The following GOLGA7B variants were observed in gnomAD, a reference collection of about 807,000 sequenced individuals.
The protein encoded by GOLGA7B is golgin A7 family member B.
GOLGA7B carries 17 observed loss-of-function variants against 21.5 expected under a neutral mutation model. That is an observed-to-expected ratio of 0.79 (90% CI 0.54 to 1.19). GOLGA7B has a LOEUF of 1.19. GOLGA7B is among the 50% of genes most tolerant of loss of function. GOLGA7B has a pLI of 0.00. For missense variants in GOLGA7B, 169 were observed against 224.4 expected (o/e 0.75, Z 1.58); for synonymous variants, 87 against 84.0 (o/e 1.04, Z -0.19).
At chr10:97,857,977 C>T (rs1396605119) in intron 1 of GOLGA7B, among the ~76,000 whole-genome samples, 1 of 152,146 alleles carries the variant, frequency 6.6e-6, no homozygotes. Flanking sequence ...TGACCCTTGC[C>T]TCCTCTACAA....
intron 1 of GOLGA7B, among the ~76,000 whole-genome samples, chr10:97,854,033 A>T (rs2049920023): frequency 6.6e-6 from 1 of 152,220 alleles, no homozygotes; most frequent in East Asian, 1.9e-4. Flanking sequence ...TGTTAAAAAG[A>T]TCTAGATTTC....
chr10:97,865,517 C>T (rs1268008363), intron 4 of GOLGA7B, 73 bp from the exon 5 acceptor site: 1 of 1,578,998 alleles, frequency 6.3e-7, no homozygotes, highest in African/African-American at 1.3e-5. Flanking sequence ...CCCTGCTGGA[C>T]TCCATCCGCT....
intron 1 of GOLGA7B, among the ~76,000 whole-genome samples, chr10:97,854,096 G>A (rs974677137): frequency 5.3e-5 from 8 of 152,170 alleles, no homozygotes; most frequent in Non-Finnish European, 1.0e-4. Context: ...ACATTCCCAC[G>A]TGGCAATAGT....
intron 1 of GOLGA7B, among the ~76,000 whole-genome samples, chr10:97,859,002 G>C (rs986344244): frequency 7.2e-5 from 11 of 152,258 alleles, no homozygotes; most frequent in Non-Finnish European, 1.5e-4. Flanking sequence ...GTGTGTGTGT[G>C]TGTGTGCACG....
chr10:97,854,179 G>T (rs1262676812), intron 1 of GOLGA7B, among the ~76,000 whole-genome samples: 1 of 152,168 alleles, frequency 6.6e-6, no homozygotes, highest in African/African-American at 2.4e-5. Context: ...TTATTGCTCA[G>T]CCCCTGTAAA....
chr10:97,851,630 T>G (rs993942265), intron 1 of GOLGA7B, among the ~76,000 whole-genome samples: 2 of 152,246 alleles, frequency 1.3e-5, no homozygotes, highest in African/African-American at 4.8e-5. Context: ...GTTGGTTACC[T>G]TCCAGATAGG....
rs1196875628 is a variant in GOLGA7B at position 97,869,638 on chromosome 10, G to A, written c.*3938G>A. ...AGCTCGAGGTGCCACTGAGTGGCAG[G>A]ATTATGCACTGCACTCGGGGAATCA... On this transcript the variant is annotated 3_prime_UTR_variant, in exon 5 of 5. Transcript: ENST00000370602. The A allele has an allele frequency of 6.6e-6, 1 of 152,304 alleles. No individual in the cohort carries two copies. The highest frequency in any genetic ancestry group is 2.4e-5 in the African/African-American group (1 of 41,466). 9.4% of individuals were successfully genotyped at this position (152,304 alleles called of 1,614,324 possible).
chr10:97,865,527 TG>T, intron 4 of GOLGA7B, 62 bp from the exon 5 acceptor site: 1 of 1,590,646 alleles, frequency 6.3e-7, no homozygotes, highest in Non-Finnish European at 8.6e-7. Flanking sequence ...CTCCATCCGC[TG>T]GTTCATGTCC....
Position 97,865,616 on chromosome 10 carries a change from GTGCAGCAGTGGCAGC to G in GOLGA7B, c.422_436del (p.Cys141_Ser145del). 1 of 1,613,638 alleles carries G rather than the reference GTGCAGCAGTGGCAGC, an allele frequency of 6.2e-7. No individual in the cohort carries two copies. Among genetic ancestry groups the G allele is most frequent in the Non-Finnish European group, 8.5e-7 (1 of 1,179,716 alleles). On this transcript the variant is annotated inframe_deletion, in exon 5 of 5. Transcript: ENST00000370602. ...TTGAGATCTCCATCTACGAGGACCG[GTGCAGCAGTGGCAGC>G]TCCAGCAGCGGCAGCAGCAGCGGCA... is the stretch of plus-strand genomic sequence containing the variant.
intron 1 of GOLGA7B, among the ~76,000 whole-genome samples, chr10:97,857,341 C>T (rs193158151): frequency 1.5e-3 from 218 of 149,878 alleles, no homozygotes; most frequent in South Asian, 8.1e-3. Flanking sequence ...AGTCCTTTCC[C>T]CATCCCATTT....
rs1402878444 is a variant in GOLGA7B, at chr10:97,870,104, G to A, written c.*4404G>A. Reference sequence around the variant, plus strand: ...GCGTTCAACCTTGGTGGCAATGGATGTCAACTGGAAGCATGAAAAATCACC... The same window carrying A: ...GCGTTCAACCTTGGTGGCAATGGATATCAACTGGAAGCATGAAAAATCACC... On this transcript the variant is annotated 3_prime_UTR_variant, in exon 5 of 5. Coordinates refer to ENST00000370602, the MANE Select transcript of GOLGA7B (RefSeq NM_001010917.3). 1.3e-5 allele frequency: 2 copies of A among 152,210 alleles called. No individual in the cohort carries two copies. The highest frequency in any genetic ancestry group is 2.9e-5 in the Non-Finnish European group (2 of 68,040). The allele number at this position is 152,210 out of a possible 1,614,324, so 9.4% of individuals were successfully genotyped here.
rs749634100 is a variant in GOLGA7B at position 97,850,265 on chromosome 10, TC to T, written c.-38del. 5.5e-6 allele frequency: 8 copies of T among 1,456,516 alleles called. No individual in the cohort carries two copies. The East Asian group carries it at 1.8e-4, about 32-fold the overall frequency. The allele number at this position is 1,456,516 out of a possible 1,614,324, so 90.2% of individuals were successfully genotyped here. On this transcript the variant is annotated 5_prime_UTR_variant, in exon 1 of 5. Coordinates refer to ENST00000370602, the MANE Select transcript of GOLGA7B (RefSeq NM_001010917.3). ...GGGGTCAGCACCGCGGAGACCCCCCTCGCCCGGCCCCGCGACAGCCTCCGAG... is the reference window on the plus strand; with the variant it reads ...GGGGTCAGCACCGCGGAGACCCCCCTGCCCGGCCCCGCGACAGCCTCCGAG...
intron 2 of GOLGA7B, among the ~76,000 whole-genome samples, chr10:97,862,771 G>C (rs2049978749): frequency 6.6e-6 from 1 of 152,126 alleles, no homozygotes; most frequent in Non-Finnish European, 1.5e-5. Flanking sequence ...GAAGAATAAG[G>C]GGAGGATGTC....
rs553709383 is a variant in GOLGA7B, at chr10:97,870,371, T to C, written c.*4671T>C. Reference sequence around the variant, plus strand: ...ACAAAAATGCATATGCACCATGTGATTCCCCTTATATGAAACTGAAAGACA... The same window carrying C: ...ACAAAAATGCATATGCACCATGTGACTCCCCTTATATGAAACTGAAAGACA... On this transcript the variant is annotated 3_prime_UTR_variant, in exon 5 of 5. Transcript: ENST00000370602. The C allele has an allele frequency of 2.0e-5, 3 of 152,276 alleles. No individual in the cohort carries two copies. The highest frequency in any genetic ancestry group is 4.8e-5 in the African/African-American group (2 of 41,564). 9.4% of individuals were successfully genotyped at this position (152,276 alleles called of 1,614,324 possible).
Position 97,865,705 on chromosome 10 carries a change from C to T in GOLGA7B, c.*5C>T, listed in dbSNP as rs1348556895. 1.2e-6 allele frequency: 2 copies of T among 1,602,288 alleles called. No homozygotes were observed. The highest frequency in any genetic ancestry group is 1.7e-6 in the Non-Finnish European group (2 of 1,174,758). On this transcript the variant is annotated 3_prime_UTR_variant, in exon 5 of 5. Transcript: ENST00000370602. ...GGTGGGGCGGGGGCCCGGTGACTGG[C>T]CGAGAGTCCCTGTAGGGAGGTGTAT...
intron 1 of GOLGA7B, among the ~76,000 whole-genome samples, chr10:97,856,842 A>C (rs1001339142): frequency 6.6e-6 from 1 of 151,910 alleles, no homozygotes; most frequent in Non-Finnish European, 1.5e-5. Flanking sequence ...GATGTTGATC[A>C]TTTTTCATGC....
At chr10:97,857,276 T>C (rs1014758993) in intron 1 of GOLGA7B, among the ~76,000 whole-genome samples, 2 of 151,976 alleles carry the variant, frequency 1.3e-5, no homozygotes, top group Non-Finnish European at 2.9e-5. Context: ...AGGGGTCCAG[T>C]TTATTCTTTT....
intron 2 of GOLGA7B, among the ~76,000 whole-genome samples, chr10:97,861,916 G>A (rs914818271): frequency 6.6e-6 from 1 of 152,178 alleles, no homozygotes; most frequent in Admixed American, 6.5e-5. Flanking sequence ...TCTGTGTAGG[G>A]GGAACTCCTA....
intron 1 of GOLGA7B, among the ~76,000 whole-genome samples, chr10:97,858,566 T>C (rs1228724856): frequency 3.3e-5 from 5 of 152,178 alleles, no homozygotes; most frequent in Non-Finnish European, 4.4e-5. Flanking sequence ...CCTCAAACAC[T>C]AGAGTCTGTG....
Sources: allele counts gnomAD v4.1 joint callset (sites outside exome capture counted in the v4.1 genomes callset), GRCh38; gene constraint gnomAD v4.1.1; transcripts MANE v1.5; gene names NCBI Gene and HGNC (gene_info 2026-07-23, HGNC 2026-07-21).